The following PACS2 variants were observed in gnomAD, a reference collection of about 807,000 sequenced individuals.
PACS2 encodes PACS1-like protein.
PACS2 carries 36 observed loss-of-function variants against 113.0 expected under a neutral mutation model. That is an observed-to-expected ratio of 0.32 (90% CI 0.24 to 0.42). PACS2 has a LOEUF of 0.42. Ranked by LOEUF, PACS2 falls within the 10% of genes least tolerant of loss-of-function variation. The probability of loss-of-function intolerance (pLI) is 1.00; values close to 1 mark genes in which losing one functional copy is unlikely to be tolerated. For missense variants in PACS2, 1,015 were observed against 1,239.5 expected, an observed-to-expected ratio of 0.82 and a Z score of 2.72; for synonymous variants, 589 against 536.1, an observed-to-expected ratio of 1.10 and a Z score of -1.36.
chr14:105,383,967 C>T (rs587632804), intron 16 of PACS2: 51 of 298,406 alleles, frequency 1.7e-4, no homozygotes, highest in South Asian at 9.6e-4. Context: ...ATGTGTCTTA[C>T]CACGAAACAA....
chr14:105,319,501 G>A lies in PACS2; in HGVS notation c.119+4464G>A, dbSNP rs143616644. Among the ~76,000 whole-genome samples the A allele has an allele frequency of 4.6e-5, 7 of 152,274 alleles. No homozygotes were observed. The East Asian group carries it at 1.3e-3, about 29-fold the overall frequency. On this transcript the variant is annotated intron_variant, in intron 1 of 24. Coordinates refer to ENST00000447393, the MANE Select transcript of PACS2 (RefSeq NM_001100913.3). ...ATAGTAAAAGTCAGCTTTTTATTAT[G>A]TTTGTTGCTAACATATAGAAATTCA...
Position 105,329,004 on chromosome 14 carries a change from G to A in PACS2, c.119+13967G>A, listed in dbSNP as rs587720893. ...AGAATTATAGGCGCTCTAGGCATTC[G>A]ATGAATCTTCTCCACCTTGCTGTGG... On this transcript the variant is annotated intron_variant, in intron 1 of 24. Transcript: ENST00000447393. The surrounding 1 kb of genome is among the most constrained non-coding windows in gnomAD (Gnocchi z 6.4). 1.3e-5 allele frequency among the ~76,000 whole-genome samples: 2 copies of A among 152,358 alleles called. No homozygotes were observed. The highest frequency in any genetic ancestry group is 1.9e-4 in the East Asian group (1 of 5,186).
Position 105,343,188 on chromosome 14 carries a change from A to G in PACS2, c.120-5305A>G, listed in dbSNP as rs73359043. On this transcript the variant is annotated intron_variant, in intron 1 of 24. Transcript: ENST00000447393. ...TTGACACGGGCGTCTCTCACTCAAC[A>G]CGATGCCTTCCAGATCCATCCTATC... is the stretch of plus-strand genomic sequence containing the variant. Among the ~76,000 whole-genome samples the G allele has an allele frequency of 4.7e-4, 72 of 152,254 alleles. 1 individual carries two copies. Among genetic ancestry groups the G allele is most frequent in the African/African-American group, 1.7e-3 (69 of 41,534 alleles).
intron 1 of PACS2, among the ~76,000 whole-genome samples, chr14:105,321,760 A>G (rs896245046): frequency 2.0e-5 from 3 of 151,844 alleles, no homozygotes; most frequent in Admixed American, 6.6e-5. Context: ...GACTGCTTTT[A>G]TATCTAGTAA....
At chr14:105,379,687 C>A in intron 9 of PACS2, 52 bp from the exon 10 acceptor site, 2 of 1,459,338 alleles carry the variant, frequency 1.4e-6, no homozygotes, top group Non-Finnish European at 1.9e-6. Context: ...GCTTTCAGTG[C>A]AAGAAGGGTC....
chr14:105,397,817 ACTT>A lies in PACS2; in HGVS notation c.*3150_*3152del, dbSNP rs2081568889. 6.6e-6 allele frequency: 1 copy of A among 152,122 alleles called. No individual in the cohort carries two copies. Among genetic ancestry groups the A allele is most frequent in the Non-Finnish European group, 1.5e-5 (1 of 68,058 alleles). 9.4% of individuals were successfully genotyped at this position (152,122 alleles called of 1,614,324 possible). Reference sequence around the variant, plus strand: ...AATTCCTCATGAAAATGACCAGGCCACTTCTTCCGAGGGCCAGGCCGCCCCCTC... The same window carrying A: ...AATTCCTCATGAAAATGACCAGGCCACTTCCGAGGGCCAGGCCGCCCCCTC... On this transcript the variant is annotated 3_prime_UTR_variant, in exon 25 of 25. Transcript: ENST00000447393.
At chr14:105,390,067 A>T in intron 20 of PACS2, 64 bp downstream of exon 20, 1 of 1,414,424 alleles carries the variant, frequency 7.1e-7, no homozygotes, top group African/African-American at 1.4e-5. Flanking sequence ...GTTTACAGTC[A>T]GAACGTTTGG....
At chr14:105,391,296 C>T in intron 21 of PACS2, 47 bp downstream of exon 21, 1 of 1,434,912 alleles carries the variant, frequency 7.0e-7, no homozygotes, top group Non-Finnish European at 9.8e-7. Flanking sequence ...CGTGGGTGGG[C>T]TGCAGGAGCA....
intron 24 of PACS2, chr14:105,394,302 G>C (rs1012566406): frequency 3.0e-5 from 30 of 985,276 alleles, no homozygotes; most frequent in Middle Eastern, 5.2e-4. Flanking sequence ...AGGCAGCCCT[G>C]GGGGAAATGC....
At chr14:105,386,199 T>A (rs587760934) in intron 19 of PACS2, among the ~76,000 whole-genome samples, 1 of 152,312 alleles carries the variant, frequency 6.6e-6, no homozygotes, top group East Asian at 1.9e-4. Context: ...TTTGTGAAGC[T>A]GGCAGCAGCC....
rs1349838290 is a variant in PACS2, at chr14:105,381,097, C to G, written c.1266C>G (p.Thr422=). Residue 422 remains threonine (T), a splice_region_variant and synonymous_variant, in exon 12 of 25, where the codon ACC becomes ACG. Transcript: ENST00000447393. ...CAGAGTCCCTTGTCATCCCCTCCAC[C>G]AGGTGATGGGGGCTGCACGGCGGGG... ...TKTESLVIPS[T]RSEGKQAGRR... The G allele has an allele frequency of 1.2e-6, 2 of 1,610,696 alleles. No individual in the cohort carries two copies. Among genetic ancestry groups the G allele is most frequent in the African/African-American group, 1.3e-5 (1 of 74,866 alleles).
intron 2 of PACS2, among the ~76,000 whole-genome samples, chr14:105,350,403 C>T (rs1300475410): frequency 1.3e-5 from 2 of 152,202 alleles, no homozygotes; most frequent in Non-Finnish European, 2.9e-5. Flanking sequence ...CCATTCCTTC[C>T]TCTGCCTGTC....
chr14:105,327,424 C>G (rs1453535614), intron 1 of PACS2, among the ~76,000 whole-genome samples: 1 of 152,222 alleles, frequency 6.6e-6, no homozygotes, highest in Non-Finnish European at 1.5e-5. Flanking sequence ...CTGCACCATC[C>G]TCTTGCTTCT....
intron 19 of PACS2, chr14:105,388,477 C>G (rs1555414113): frequency 6.6e-6 from 1 of 152,566 alleles, no homozygotes; most frequent in Non-Finnish European, 1.5e-5. Flanking sequence ...GTGCTCCAGG[C>G]AGACGGCTGG....
intron 1 of PACS2, among the ~76,000 whole-genome samples, chr14:105,342,229 C>CCT (rs1409489608): frequency 3.6e-4 from 48 of 132,558 alleles, no homozygotes; most frequent in African/African-American, 1.5e-3. Flanking sequence ...CAAGCTGCTG[C>CCT]CTGTGTGTGT....
At chr14:105,309,477 G>A (rs1566886341), upstream of PACS2, among the ~76,000 whole-genome samples, 1 of 152,240 alleles carries the variant, frequency 6.6e-6, no homozygotes, top group East Asian at 1.9e-4. The surrounding 1 kb of genome is among the most constrained non-coding windows in gnomAD (Gnocchi z 4.0). Flanking sequence ...ATTCCTTTCT[G>A]TAGGTGTTGC....
chr14:105,376,741 AC>A lies in PACS2; in HGVS notation c.802-26del, dbSNP rs1382513997. On this transcript the variant is annotated intron_variant, in intron 8 of 24. Coordinates refer to ENST00000447393, the MANE Select transcript of PACS2 (RefSeq NM_001100913.3). This position sits in a 1 kb window ranked among gnomAD's most constrained non-coding sequence, Gnocchi z 4.7. ...GGGGCAATGTGGGCTGCTGCAGGGA[AC>A]TCACGCGTGCCTGGCACCCGTGCAG... 3 of 1,607,622 alleles carry A rather than the reference AC, an allele frequency of 1.9e-6. No individual in the cohort carries two copies. In the African/African-American group the frequency reaches 4.0e-5, roughly 22 times the overall value.
intron 8 of PACS2, among the ~76,000 whole-genome samples, chr14:105,375,534 G>A (rs1312015405): frequency 2.1e-5 from 3 of 142,234 alleles, no homozygotes; most frequent in African/African-American, 7.9e-5. Context: ...TTTCTTCAAA[G>A]ACACACAAGT....
Position 105,355,015 on chromosome 14 carries a change from G to GTGC in PACS2, c.298-36_298-34dup. 1 of 1,605,670 alleles carries GTGC rather than the reference G, an allele frequency of 6.2e-7. No individual in the cohort carries two copies. Among genetic ancestry groups the GTGC allele is most frequent in the African/African-American group, 1.3e-5 (1 of 74,888 alleles). ...GGCCGTGATGCTGCCTGGGGCCCCG[G>GTGC]TGCACCCTCAGCTGCCACTCGCACT... On this transcript the variant is annotated intron_variant, in intron 3 of 24. Transcript: ENST00000447393. The surrounding 1 kb of genome is among the most constrained non-coding windows in gnomAD (Gnocchi z 4.1).
Sources: gnomAD v4.1 joint callset for allele counts (sites outside exome capture counted in the v4.1 genomes callset) on GRCh38, gnomAD v4.1.1 for gene constraint, Gnocchi (gnomAD v3.1) non-coding constraint, MANE v1.5 for transcripts, NCBI Gene and HGNC (gene_info 2026-07-23, HGNC 2026-07-21) for gene names.